EPGN: variants seen among roughly 807,000 people sequenced by gnomAD.
EPGN encodes epigen.
Under a neutral mutation model 20.7 loss-of-function variants are expected in EPGN, and 21 were observed. The observed-to-expected ratio is 1.01, with a 90% CI of 0.72 to 1.46. The LOEUF is 1.46. Ranked by LOEUF, EPGN falls within the 40% of genes most tolerant of loss-of-function variation. The pLI, the probability that EPGN is intolerant of heterozygous loss-of-function variation, is 0.00. For missense variants in EPGN, 199 were observed against 180.7 expected (o/e 1.10, Z -0.58); for synonymous variants, 69 against 63.8 (o/e 1.08, Z -0.39).
Position 74,309,114 on chromosome 4 carries a change from A to G in EPGN, c.65A>G (p.Glu22Gly). The G allele has an allele frequency of 6.2e-7, 1 of 1,613,492 alleles. No individual in the cohort carries two copies. Among genetic ancestry groups the G allele is most frequent in the Non-Finnish European group, 8.5e-7 (1 of 1,179,556 alleles). The change falls in exon 2 of 5, where the codon GAG becomes GGG. Residue 22 changes from glutamate to glycine, a missense_variant. Transcript: ENST00000413830. ...LFNAMTALTEEAAVTVTPPIT... is the reference protein window; with the variant it reads ...LFNAMTALTEGAAVTVTPPIT... ...ACAGCAATGACAGCACTGACCGAAG[A>G]GGCAGCCGTGACTGTAACACCTCCA... is the stretch of plus-strand genomic sequence containing the variant.
Position 74,315,499 on chromosome 4 carries a change from T to C in EPGN, c.*862T>C, listed in dbSNP as rs1441236724. Among the ~76,000 whole-genome samples the C allele has an allele frequency of 6.6e-6, 1 of 152,158 alleles. No homozygotes were observed. Among genetic ancestry groups the C allele is most frequent in the Non-Finnish European group, 1.5e-5 (1 of 68,032 alleles). ...CTGGAAGTCTCCTACTGAATAAAAG[T>C]CTACAATTGGCCCTAAAATAGAAAC... On this transcript the variant is annotated 3_prime_UTR_variant, in exon 5 of 5. Transcript: ENST00000413830.
chr4:74,312,975 C>A, intron 3 of EPGN, 43 bp from the exon 4 acceptor site: 1 of 1,420,508 alleles, frequency 7.0e-7, no homozygotes. Flanking sequence ...TGTATTTCTA[C>A]CACCGTAGGT....
chr4:74,311,415 A>T (rs77898242), intron 2 of EPGN, among the ~76,000 whole-genome samples: 2,798 of 152,264 alleles, frequency 0.018, 59 homozygotes, highest in South Asian at 0.068. Flanking sequence ...TAACATCTAA[A>T]GATTTAGCAT....
rs919405895 is a variant in EPGN at position 74,310,518 on chromosome 4, A to G, written c.133+1336A>G. Among the ~76,000 whole-genome samples the G allele has an allele frequency of 4.0e-5, 6 of 151,704 alleles. No homozygotes were observed. The East Asian group carries it at 7.7e-4, about 19-fold the overall frequency. On this transcript the variant is annotated intron_variant, in intron 2 of 4. Coordinates refer to ENST00000413830, the MANE Select transcript of EPGN (RefSeq NM_001270989.2). The stretch of plus-strand genomic sequence containing the variant: ...ATATACTGCAGAAAATTAAAGAAGC[A>G]TAGTTTTCTCTCAATGACTGACTTC...
At chr4:74,308,824 G>A (rs183152410) in intron 1 of EPGN, among the ~76,000 whole-genome samples, 2 of 152,146 alleles carry the variant, frequency 1.3e-5, no homozygotes, top group Admixed American at 1.3e-4. Context: ...GATACATTTA[G>A]CTACTATACT....
rs1195458428 is a variant in EPGN at position 74,316,736 on chromosome 4, C to G, written c.*2099C>G. ...GAGCTGGGGAGAGTATGGGAAGAAA[C>G]AATACAGGATTGCCTTTAATTAATT... On this transcript the variant is annotated 3_prime_UTR_variant, in exon 5 of 5. Transcript: ENST00000413830. 1.3e-5 allele frequency among the ~76,000 whole-genome samples: 2 copies of G among 151,942 alleles called. No homozygotes were observed. Among genetic ancestry groups the G allele is most frequent in the Non-Finnish European group, 2.9e-5 (2 of 67,984 alleles).
intron 2 of EPGN, among the ~76,000 whole-genome samples, 161 bp downstream of exon 2, chr4:74,309,343 T>C (rs1042353772): frequency 6.6e-6 from 1 of 152,230 alleles, no homozygotes; most frequent in African/African-American, 2.4e-5. Flanking sequence ...GACAGATAAA[T>C]GTGCCAGGAA....
At chr4:74,313,610 A>G in intron 4 of EPGN, 1 of 1,004,220 alleles carries the variant, frequency 1.0e-6, no homozygotes, top group Non-Finnish European at 1.2e-6. Flanking sequence ...TATGACAAAC[A>G]TTGGCCATTT....
Position 74,315,509 on chromosome 4 carries a change from G to A in EPGN, c.*872G>A, listed in dbSNP as rs1386301282. Among the ~76,000 whole-genome samples the A allele has an allele frequency of 2.0e-5, 3 of 152,052 alleles. No homozygotes were observed. Among genetic ancestry groups the A allele is most frequent in the Non-Finnish European group, 4.4e-5 (3 of 68,028 alleles). On this transcript the variant is annotated 3_prime_UTR_variant, in exon 5 of 5. Coordinates refer to ENST00000413830, the MANE Select transcript of EPGN (RefSeq NM_001270989.2). ...CCTACTGAATAAAAGTCTACAATTG[G>A]CCCTAAAATAGAAACTGAAAAACAG...
intron 3 of EPGN, 59 bp downstream of exon 3, chr4:74,312,364 T>C (rs1176810252): frequency 2.6e-6 from 4 of 1,554,154 alleles, no homozygotes; most frequent in Non-Finnish European, 3.5e-6. Flanking sequence ...GTCTCTGTTG[T>C]TTCATATAGT....
chr4:74,311,278 G>C (rs1177986985), intron 2 of EPGN, among the ~76,000 whole-genome samples: 4 of 151,986 alleles, frequency 2.6e-5, no homozygotes, highest in African/African-American at 9.7e-5. Context: ...AATTCTCACT[G>C]CCTGAGAATT....
chr4:74,313,589 G>T, intron 4 of EPGN: 2 of 1,019,530 alleles, frequency 2.0e-6, no homozygotes, highest in Non-Finnish European at 2.3e-6. Flanking sequence ...AGTAAAAACT[G>T]AATAAAAATG....
At chr4:74,313,283 G>T in intron 4 of EPGN, 113 bp downstream of exon 4, 2 of 1,424,274 alleles carry the variant, frequency 1.4e-6, no homozygotes, top group Non-Finnish European at 1.8e-6. Flanking sequence ...AATTAAAAAA[G>T]AGCTGTAATC....
chr4:74,313,346 C>T (rs541076295), intron 4 of EPGN, 176 bp downstream of exon 4: 27 of 1,395,610 alleles, frequency 1.9e-5, no homozygotes, highest in East Asian at 1.9e-4. Flanking sequence ...TAAACCCAGA[C>T]GAGTGGTAAA....
intron 3 of EPGN, 40 bp downstream of exon 3, chr4:74,312,345 T>C (rs767547212): frequency 2.5e-6 from 4 of 1,588,794 alleles, no homozygotes; most frequent in Admixed American, 3.6e-5. Context: ...AGACAGGAGA[T>C]GAGTTTATGT....
Position 74,309,152 on chromosome 4 carries a change from C to T in EPGN, c.103C>T (p.Gln35Ter). The T allele has an allele frequency of 1.9e-6, 3 of 1,613,500 alleles. No individual in the cohort carries two copies. The highest frequency in any genetic ancestry group is 2.5e-6 in the Non-Finnish European group (3 of 1,179,590). Residue 35 changes from glutamine to a stop codon, truncating the protein, a stop_gained, in exon 2 of 5, where the codon CAA (glutamine) becomes TAA (stop). Coordinates refer to ENST00000413830, the MANE Select transcript of EPGN (RefSeq NM_001270989.2). LOFTEE classifies it high-confidence loss of function. ...TGTAACACCTCCAATCACAGCCCAG[C>T]AAGGTAACTGGACAGTTAACAAAAC... is the stretch of plus-strand genomic sequence containing the variant. ...VTVTPPITAQ[Q>*]GNWTVNKTEA...
chr4:74,314,927 A>T lies in EPGN; in HGVS notation c.*290A>T. On this transcript the variant is annotated 3_prime_UTR_variant, in exon 5 of 5. Transcript: ENST00000413830. ...TATTATTCTCACTACAGAAAGACTG[A>T]GTTTCATGCTCCTGGCTATGTCAGA... is the stretch of plus-strand genomic sequence containing the variant. 1 of 405,194 alleles carries T rather than the reference A, an allele frequency of 2.5e-6. No individual in the cohort carries two copies. Among genetic ancestry groups the T allele is most frequent in the South Asian group, 3.3e-5 (1 of 30,012 alleles). 25.1% of individuals were successfully genotyped at this position (405,194 alleles called of 1,614,324 possible). A position where few individuals can be genotyped will look rare whatever the true frequency, so the allele number is the denominator to read the frequency against.
intron 2 of EPGN, 78 bp downstream of exon 2, chr4:74,309,260 T>C: frequency 9.3e-7 from 1 of 1,077,766 alleles, no homozygotes; most frequent in Non-Finnish European, 1.4e-6. Context: ...ATAAAAGCAA[T>C]ATTGGCCATT....
intron 2 of EPGN, among the ~76,000 whole-genome samples, chr4:74,310,704 A>G (rs1004605824): frequency 3.3e-5 from 5 of 152,140 alleles, no homozygotes; most frequent in Admixed American, 6.5e-5. Context: ...CCTCCTGCCC[A>G]GAGGGTACCA....
Sources: allele counts gnomAD v4.1 joint callset (sites outside exome capture counted in the v4.1 genomes callset), GRCh38; gene constraint gnomAD v4.1.1; transcripts MANE v1.5; gene names NCBI Gene and HGNC (gene_info 2026-07-23, HGNC 2026-07-21).